RRBP1: variants seen among roughly 807,000 people sequenced by gnomAD.
RRBP1 encodes ribosome-binding protein 1.
In RRBP1, 94 loss-of-function variants were observed where a neutral mutation model predicts 165.2. That is an observed-to-expected ratio of 0.57 (90% confidence interval 0.48 to 0.68). RRBP1 has a LOEUF of 0.68. RRBP1 is among the 30% of genes least tolerant of loss of function. The pLI, the probability that RRBP1 is intolerant of heterozygous loss-of-function variation, is 0.00. For missense variants in RRBP1, 1,676 were observed against 1,763.0 expected (o/e 0.95, Z 0.88); for synonymous variants, 680 against 714.5 (o/e 0.95, Z 0.77).
At chr20:17,662,610 G>A (rs1470323350) in intron 2 of RRBP1, among the ~76,000 whole-genome samples, 2 of 152,182 alleles carry the variant, frequency 1.3e-5, no homozygotes, top group African/African-American at 4.8e-5. Flanking sequence ...GTGATCCACA[G>A]CCAGGGCACT....
rs2035761633 is a variant in RRBP1, at chr20:17,614,769, C to A, written c.4162G>T (p.Val1388Leu). 1.9e-6 allele frequency: 3 copies of A among 1,613,436 alleles called. No individual in the cohort carries two copies. The highest frequency in any genetic ancestry group is 2.5e-6 in the Non-Finnish European group (3 of 1,180,024). The change falls in exon 24 of 25, where the codon GTG (valine) becomes TTG (leucine). Residue 1388 changes from valine to leucine, a missense_variant. Physicochemically the swap from Val to Leu is conservative, Grantham distance 32 (BLOSUM62 1). Around this residue, in one of 5 missense-constraint regions of RRBP1, gnomAD observed 1,184 missense variants for 1,167.1 expected, o/e 1.01. Coordinates refer to ENST00000377813, the MANE Select transcript of RRBP1 (RefSeq NM_001365613.2). Reference sequence around the variant, plus strand: ...TCCAGCTGTTCCTGCAGCTTCTTCACCGTGTCCTTCTCCCTTGCCAGCTGC... The same window carrying A: ...TCCAGCTGTTCCTGCAGCTTCTTCAACGTGTCCTTCTCCCTTGCCAGCTGC... ...QEQLAREKDT[V>L]KKLQEQLEKA...
chr20:17,668,596 C>A (rs1243507018), intron 2 of RRBP1, among the ~76,000 whole-genome samples: 1 of 152,214 alleles, frequency 6.6e-6, no homozygotes, highest in African/African-American at 2.4e-5. Flanking sequence ...CAGGACAAAA[C>A]AGATAAATTC....
At chr20:17,647,724 G>T (rs77397429) in intron 3 of RRBP1, among the ~76,000 whole-genome samples, 2 of 152,146 alleles carry the variant, frequency 1.3e-5, no homozygotes, top group Non-Finnish European at 2.9e-5. Flanking sequence ...GCTTGGGGAA[G>T]AACTCCAGTG....
At position 17,659,152 on chromosome 20, in the gene RRBP1, G is replaced by A. The variant is rs1294840190; in HGVS notation, c.1356C>T (p.Ala452=). 3 of 1,535,560 alleles carry A rather than the reference G, an allele frequency of 2.0e-6. No individual in the cohort carries two copies. Among genetic ancestry groups the A allele is most frequent in the Non-Finnish European group, 2.6e-6 (3 of 1,141,086 alleles). Residue 452 remains alanine, a synonymous_variant, in exon 3 of 25, where the codon GCC becomes GCT. Transcript: ENST00000377813. ...TCTTGCCCTGGTTCTGGGCCCCCTC[G>A]GCCTTCTTGCCCTGGTTCTGGGCCC... ...AEGAQNQGKK[A]EGAQNQGKKA...
chr20:17,619,582 G>A (rs867969115), intron 19 of RRBP1, 51 bp downstream of exon 19: 4 of 1,335,552 alleles, frequency 3.0e-6, no homozygotes, highest in African/African-American at 1.4e-5. Flanking sequence ...AGCTCAGGGA[G>A]GACCGCAGAT....
intron 5 of RRBP1, among the ~76,000 whole-genome samples, chr20:17,640,420 AGGTGAGGCCAGAGGCAGGGT>A (rs755091729): frequency 2.3e-3 from 350 of 152,244 alleles, no homozygotes; most frequent in Non-Finnish European, 3.7e-3. Flanking sequence ...GAAAGGGAAG[AGGTGAGGCCAGAGGCAGGGT>A]GAGTGGCTGA....
chr20:17,625,501 G>A lies in RRBP1; in HGVS notation c.3054+11C>T, dbSNP rs1423201811. 6.2e-7 allele frequency: 1 copy of A among 1,612,426 alleles called. No individual in the cohort carries two copies. Among genetic ancestry groups the A allele is most frequent in the Non-Finnish European group, 8.5e-7 (1 of 1,179,046 alleles). The stretch of plus-strand genomic sequence containing the variant: ...GGCCCGTCCGTCCCCGCCTGTGCCT[G>A]CCGCACTCACATTGTTCTTCACTTT... On this transcript the variant is annotated intron_variant, in intron 12 of 24. Coordinates refer to ENST00000377813, the MANE Select transcript of RRBP1 (RefSeq NM_001365613.2).
chr20:17,641,754 G>A, intron 5 of RRBP1, 43 bp downstream of exon 5: 1 of 1,607,540 alleles, frequency 6.2e-7, no homozygotes, highest in Non-Finnish European at 8.5e-7. Flanking sequence ...GTCCTCTGAG[G>A]ACGGGAGAGG....
At chr20:17,638,702 A>T (rs1465499599) in intron 5 of RRBP1, among the ~76,000 whole-genome samples, 1 of 84,082 alleles carries the variant, frequency 1.2e-5, no homozygotes, top group Non-Finnish European at 2.3e-5. Flanking sequence ...TTCCTTGAAA[A>T]GCATTCCTGA....
intron 3 of RRBP1, among the ~76,000 whole-genome samples, chr20:17,655,486 A>G (rs1379767681): frequency 1.3e-5 from 2 of 152,260 alleles, no homozygotes; most frequent in African/African-American, 4.8e-5. Flanking sequence ...TTCTCCAATG[A>G]AAAGTCACAT....
chr20:17,618,747 G>T, intron 19 of RRBP1, 68 bp from the exon 20 acceptor site: 1 of 1,233,108 alleles, frequency 8.1e-7, no homozygotes, highest in Non-Finnish European at 1.2e-6. Flanking sequence ...GTCCCCGTGA[G>T]TTAGCGCCGA....
intron 11 of RRBP1, 75 bp from the exon 12 acceptor site, chr20:17,625,677 T>C: frequency 8.1e-7 from 1 of 1,240,494 alleles, no homozygotes; most frequent in Admixed American, 1.7e-5. Context: ...TGAGGCCCCA[T>C]CCAGGGAGGA....
chr20:17,616,611 T>G, intron 21 of RRBP1, 121 bp downstream of exon 21: 1 of 649,772 alleles, frequency 1.5e-6, no homozygotes, highest in Non-Finnish European at 2.6e-6. Context: ...CAAAGCAGGG[T>G]GGGGTGGGGA....
At chr20:17,619,086 CTT>C (rs11300437) in intron 19 of RRBP1, 27,839 of 159,714 alleles carry the variant, frequency 0.17, 2,002 homozygotes, top group East Asian at 0.46. Flanking sequence ...GTGTGCCTGG[CTT>C]TTTTTTTTTT....
In RRBP1 at chr20:17,625,608, G is replaced by A. The variant is rs763549367; in HGVS notation, c.2964-6C>T. 5.0e-6 allele frequency: 8 copies of A among 1,613,084 alleles called. No homozygotes were observed. The highest frequency in any genetic ancestry group is 2.7e-5 in the African/African-American group (2 of 74,896). On this transcript the variant is annotated splice_polypyrimidine_tract_variant and splice_region_variant and intron_variant, in intron 11 of 24. Transcript: ENST00000377813. The stretch of plus-strand genomic sequence containing the variant: ...GGGACTCCAGCTCCTTGAGGCTGAA[G>A]GGACACAACGAGGTCACCGCCTAGG...
At chr20:17,618,516 A>T in intron 20 of RRBP1, 80 bp downstream of exon 20, 1 of 1,118,492 alleles carries the variant, frequency 8.9e-7, no homozygotes, top group East Asian at 2.4e-5. Context: ...AGTGGACACA[A>T]ACGCATGACT....
At chr20:17,619,086 CTTT>C (rs11300437) in intron 19 of RRBP1, 1,723 of 159,574 alleles carry the variant, frequency 0.011, no homozygotes, top group South Asian at 0.038. Flanking sequence ...GTGTGCCTGG[CTTT>C]TTTTTTTTTT....
At chr20:17,666,704 T>C (rs2036877908) in intron 2 of RRBP1, among the ~76,000 whole-genome samples, 1 of 152,256 alleles carries the variant, frequency 6.6e-6, no homozygotes, top group South Asian at 2.1e-4. Flanking sequence ...GCAGAGTCTG[T>C]GCAATAAGCT....
At chr20:17,642,874 T>A (rs1053514807) in intron 4 of RRBP1, 105 bp downstream of exon 4, 4 of 1,244,560 alleles carry the variant, frequency 3.2e-6, no homozygotes, top group Admixed American at 4.2e-5. Context: ...GAAAGAGAAG[T>A]GGAGGCTGTC....
Sources: gnomAD v4.1 joint callset for allele counts (sites outside exome capture counted in the v4.1 genomes callset) on GRCh38, gnomAD v4.1.1 for gene constraint, gnomAD v4.1.1 regional missense constraint, MANE v1.5 for transcripts, NCBI Gene and HGNC (gene_info 2026-07-23, HGNC 2026-07-21) for gene names.